The following ZNF595 variants were observed in gnomAD, a reference collection of about 807,000 sequenced individuals.
ZNF595 encodes the protein zinc finger protein 595.
A neutral mutation model predicts 19.4 loss-of-function variants in ZNF595; 9 were observed. That is an observed-to-expected ratio of 0.46 (90% CI 0.28 to 0.81). The LOEUF is 0.81. Ranked by LOEUF, ZNF595 falls within the 30% of genes least tolerant of loss-of-function variation. ZNF595 has a pLI of 0.11. For synonymous variants in ZNF595, 255 were observed against 255.9 expected, an observed-to-expected ratio of 1.00 and a Z score of 0.03; for missense variants, 729 against 736.0, an observed-to-expected ratio of 0.99 and a Z score of 0.11.
Position 87,732 on chromosome 4 carries a change from T to G in ZNF595, c.*281T>G, listed in dbSNP as rs1714296319. The stretch of plus-strand genomic sequence containing the variant: ...ACACTTTAATTTTTTTTTTTTTTTT[T>G]TTTTTTGAGACAGAGTCTCGTTCTG... On this transcript the variant is annotated 3_prime_UTR_variant, in exon 4 of 4. Coordinates refer to ENST00000610261, the MANE Select transcript of ZNF595 (RefSeq NM_182524.4). 5.0e-6 allele frequency: 1 copy of G among 198,182 alleles called. No individual in the cohort carries two copies. Among genetic ancestry groups the G allele is most frequent in the Non-Finnish European group, 9.9e-6 (1 of 100,724 alleles). The allele number at this position is 198,182 out of a possible 1,614,324, so 12.3% of individuals were successfully genotyped here. A position where few individuals can be genotyped will look rare whatever the true frequency, so the allele number is the denominator to read the frequency against.
intron 3 of ZNF595, among the ~76,000 whole-genome samples, chr4:75,650 C>CAAAA (rs1178790868): frequency 1.3e-5 from 2 of 152,078 alleles, no homozygotes; most frequent in African/African-American, 4.8e-5. Context: ...TTATTACTGC[C>CAAAA]ATTTTGTTCA....
intron 3 of ZNF595, among the ~76,000 whole-genome samples, chr4:74,523 G>C (rs1553798378): frequency 6.6e-6 from 1 of 152,174 alleles, no homozygotes; most frequent in Non-Finnish European, 1.5e-5. Context: ...TGCCAAGGTT[G>C]AGGACACACA....
chr4:75,775 T>C (rs1190177624), intron 3 of ZNF595, among the ~76,000 whole-genome samples: 1 of 151,846 alleles, frequency 6.6e-6, no homozygotes, highest in Non-Finnish European at 1.5e-5. Context: ...TTTTCTTTTG[T>C]ATGTATCTAC....
chr4:79,779 GA>G (rs1306944142), intron 3 of ZNF595, among the ~76,000 whole-genome samples: 105 of 120,856 alleles, frequency 8.7e-4, no homozygotes, highest in African/African-American at 3.1e-3. Context: ...TCATTTCTTT[GA>G]AAAAAGTCAT....
chr4:83,934 AT>A (rs1714029973), intron 3 of ZNF595, among the ~76,000 whole-genome samples: 1 of 146,102 alleles, frequency 6.8e-6, no homozygotes, highest in South Asian at 2.1e-4. Flanking sequence ...TTTGTCCCTT[AT>A]TTTCTTTTCT....
intron 1 of ZNF595, among the ~76,000 whole-genome samples, chr4:57,659 T>C (rs1262166192): frequency 6.6e-6 from 1 of 150,960 alleles, no homozygotes; most frequent in Non-Finnish European, 1.5e-5. Flanking sequence ...TTCAGCGTCA[T>C]GTATTCAGTA....
chr4:82,371 GGTTTTTTTTTTTTT>G (rs1378384252), intron 3 of ZNF595, among the ~76,000 whole-genome samples: 8 of 97,714 alleles, frequency 8.2e-5, no homozygotes, highest in Admixed American at 1.2e-4. Context: ...TTTGGTTTGT[GGTTTTTTTTTTTTT>G]TTTTTTTTTT....
At chr4:70,113 A>G (rs1164184431) in intron 3 of ZNF595, among the ~76,000 whole-genome samples, 1 of 152,160 alleles carries the variant, frequency 6.6e-6, no homozygotes, top group Non-Finnish European at 1.5e-5. Context: ...CAACACTACT[A>G]AAGAGTAATT....
In ZNF595 at chr4:85,774, G is replaced by C; in HGVS notation, c.270G>C (p.Gly90=). ...PFSQDLSPVQ[G]IEDSFHKLIL... ...GCCAAGACCTTTCACCAGTGCAGGG[G>C]ATAGAAGATTCATTCCACAAACTTA... The change falls in exon 4 of 4, where the codon GGG becomes GGC. Residue 90 remains glycine (G), a synonymous_variant. Coordinates refer to ENST00000610261, the MANE Select transcript of ZNF595 (RefSeq NM_182524.4). 1.9e-6 allele frequency: 3 copies of C among 1,611,636 alleles called. No individual in the cohort carries two copies. Among genetic ancestry groups the C allele is most frequent in the Non-Finnish European group, 2.5e-6 (3 of 1,178,334 alleles).
At chr4:75,165 G>T (rs970527437) in intron 3 of ZNF595, among the ~76,000 whole-genome samples, 2 of 152,106 alleles carry the variant, frequency 1.3e-5, no homozygotes, top group Admixed American at 6.5e-5. Flanking sequence ...AGTCTCTTGT[G>T]TGCAGCATAT....
At chr4:71,247 T>G (rs1324179116) in intron 3 of ZNF595, among the ~76,000 whole-genome samples, 1 of 152,244 alleles carries the variant, frequency 6.6e-6, no homozygotes, top group Non-Finnish European at 1.5e-5. Context: ...TTTTTTCAAA[T>G]ATAAAACTAC....
intron 3 of ZNF595, among the ~76,000 whole-genome samples, chr4:80,470 A>T (rs1713858273): frequency 6.6e-6 from 1 of 152,198 alleles, no homozygotes; most frequent in Admixed American, 6.5e-5. Flanking sequence ...TATTTTTGTC[A>T]TGCGCATCCG....
intron 3 of ZNF595, among the ~76,000 whole-genome samples, chr4:64,510 T>C (rs1206143730): frequency 6.6e-5 from 10 of 152,262 alleles, no homozygotes; most frequent in African/African-American, 2.4e-4. Flanking sequence ...TGCCAGCACA[T>C]TGGGATGCCA....
intron 3 of ZNF595, among the ~76,000 whole-genome samples, chr4:82,224 A>C (rs1023651837): frequency 6.6e-6 from 1 of 152,076 alleles, no homozygotes; most frequent in Non-Finnish European, 1.5e-5. Context: ...ATTTCTGCAA[A>C]AATTTAATTA....
intron 3 of ZNF595, among the ~76,000 whole-genome samples, chr4:73,990 A>G (rs1432842172): frequency 1.3e-5 from 2 of 152,140 alleles, no homozygotes; most frequent in African/African-American, 2.4e-5. Context: ...GGTGTTCAGC[A>G]AACTCCATAT....
intron 3 of ZNF595, among the ~76,000 whole-genome samples, chr4:73,716 G>A (rs1408462784): frequency 2.0e-5 from 3 of 152,082 alleles, no homozygotes; most frequent in Non-Finnish European, 4.4e-5. Flanking sequence ...TCCAATATTA[G>A]TAATCTGGTA....
Position 86,916 on chromosome 4 carries a change from A to G in ZNF595, c.1412A>G (p.Lys471Arg), listed in dbSNP as rs183670728. ...FTRSTTLNEH[K>R]KIHTGEKPYK... ...CGGTCCACAACACTGAACGAACATAAGAAAATTCATACTGGCGAGAAACCC... is the reference window on the plus strand; with the variant it reads ...CGGTCCACAACACTGAACGAACATAGGAAAATTCATACTGGCGAGAAACCC... Residue 471 changes from lysine (K) to arginine (R), a missense_variant, in exon 4 of 4, where the codon AAG (lysine) becomes AGG (arginine). Around this residue, in one of 2 missense-constraint regions of ZNF595, gnomAD observed 729 missense variants for 675.3 expected, o/e 1.08. Transcript: ENST00000610261. 18 of 1,610,964 alleles carry G rather than the reference A, an allele frequency of 1.1e-5. No homozygotes were observed. The Admixed American group carries it at 2.2e-4, about 19-fold the overall frequency.
intron 3 of ZNF595, among the ~76,000 whole-genome samples, chr4:81,784 A>G (rs1335992230): frequency 6.6e-6 from 1 of 152,154 alleles, no homozygotes; most frequent in Non-Finnish European, 1.5e-5. Context: ...TGATTCATAC[A>G]GTTTCTCTTC....
rs1553801605 is a variant in ZNF595 at position 86,520 on chromosome 4, C to A, written c.1016C>A (p.Pro339His). 7.4e-6 allele frequency: 12 copies of A among 1,613,920 alleles called. No individual in the cohort carries two copies. The highest frequency in any genetic ancestry group is 1.0e-5 in the Non-Finnish European group (12 of 1,179,926). ...AAAAATATTCATACTGGCGAAAAACCCTACACATGTGAAAAATGTGGCAAA... is the reference window on the plus strand; with the variant it reads ...AAAAATATTCATACTGGCGAAAAACACTACACATGTGAAAAATGTGGCAAA... The part of the protein sequence containing the change: ...EHKNIHTGEK[P>H]YTCEKCGKAF... The change falls in exon 4 of 4, where the codon CCC (proline) becomes CAC (histidine). Residue 339 changes from proline (P) to histidine (H), a missense_variant. Coordinates refer to ENST00000610261, the MANE Select transcript of ZNF595 (RefSeq NM_182524.4).
Sources: allele counts gnomAD v4.1 joint callset (sites outside exome capture counted in the v4.1 genomes callset), GRCh38; gene constraint gnomAD v4.1.1; regional missense constraint gnomAD v4.1.1; transcripts MANE v1.5; gene names NCBI Gene and HGNC (gene_info 2026-07-23, HGNC 2026-07-21).